The following CSMD3 variants were observed in gnomAD, a reference collection of about 807,000 sequenced individuals.
CSMD3 encodes the protein CUB and Sushi multiple domains 3.
Under a neutral mutation model 435.2 loss-of-function variants are expected in CSMD3, and 177 were observed. The ratio of observed to expected loss-of-function variants is 0.41; its 90% confidence interval spans 0.36 to 0.46. The LOEUF (loss-of-function observed/expected upper bound fraction) is 0.46, where lower values mean the gene tolerates loss of function less well. CSMD3 is among the 20% of genes least tolerant of loss of function. CSMD3 has a pLI of 0.34. For synonymous variants in CSMD3, 1,656 were observed against 1,520.5 expected (o/e 1.09, Z -2.07); for missense variants, 4,265 against 4,504.6 (o/e 0.95, Z 1.52).
intron 6 of CSMD3, among the ~76,000 whole-genome samples, chr8:112,980,013 CAT>C (rs947078136): frequency 6.6e-6 from 1 of 150,832 alleles, no homozygotes; most frequent in Admixed American, 6.6e-5. Flanking sequence ...ACTTGTTACA[CAT>C]ATAAGTTTGA....
chr8:112,763,263 A>C (rs1362048931), intron 13 of CSMD3, among the ~76,000 whole-genome samples: 3 of 151,628 alleles, frequency 2.0e-5, no homozygotes, highest in Non-Finnish European at 3.0e-5. Flanking sequence ...CATGTAACAA[A>C]TTTGACTTGG....
rs531606768 is a variant in CSMD3 at position 112,562,332 on chromosome 8, G to A, written c.4043-5378C>T. Among the ~76,000 whole-genome samples the A allele has an allele frequency of 5.9e-5, 9 of 151,472 alleles. No individual in the cohort carries two copies. In the East Asian group the frequency reaches 1.8e-3, roughly 29 times the overall value. On this transcript the variant is annotated intron_variant, in intron 24 of 70. Transcript: ENST00000297405. ...GACATGTGAAAATTCATTTTTAAATGTAATAAAATATATTTTAAGTAACTT... is the reference window on the plus strand; with the variant it reads ...GACATGTGAAAATTCATTTTTAAATATAATAAAATATATTTTAAGTAACTT...
intron 28 of CSMD3, among the ~76,000 whole-genome samples, chr8:112,507,758 G>C (rs990137760): frequency 3.9e-5 from 6 of 152,118 alleles, no homozygotes; most frequent in African/African-American, 1.4e-4. Flanking sequence ...CATGAGTTGA[G>C]ATATGTAATA....
chr8:113,055,297 T>G (rs1388557462), intron 5 of CSMD3, among the ~76,000 whole-genome samples: 2 of 152,248 alleles, frequency 1.3e-5, no homozygotes, highest in East Asian at 3.9e-4. Flanking sequence ...TTACAGACGT[T>G]AAGCCACCGC....
intron 9 of CSMD3, among the ~76,000 whole-genome samples, chr8:112,940,692 A>G (rs1008523550): frequency 3.3e-5 from 5 of 151,812 alleles, no homozygotes; most frequent in African/African-American, 9.7e-5. Context: ...GTAGAGCACA[A>G]ATGGTAACCA....
chr8:112,601,136 TA>T (rs1245663713), intron 22 of CSMD3, among the ~76,000 whole-genome samples: 2 of 152,228 alleles, frequency 1.3e-5, no homozygotes, highest in East Asian at 3.9e-4. Flanking sequence ...TTTTATCTAA[TA>T]GATATTTTAT....
intron 29 of CSMD3, among the ~76,000 whole-genome samples, chr8:112,504,961 A>G (rs1457418049): frequency 6.6e-6 from 1 of 152,174 alleles, no homozygotes; most frequent in African/African-American, 2.4e-5. Flanking sequence ...TATTTTGGCA[A>G]GTTTTATCAT....
At chr8:112,956,795 C>T (rs1043548404) in intron 7 of CSMD3, among the ~76,000 whole-genome samples, 2 of 151,984 alleles carry the variant, frequency 1.3e-5, no homozygotes, top group Non-Finnish European at 2.9e-5. Context: ...GGTTTTCCTG[C>T]TTCTAAAAGC....
At chr8:112,454,872 T>C (rs1376533002) in intron 32 of CSMD3, among the ~76,000 whole-genome samples, 2 of 152,010 alleles carry the variant, frequency 1.3e-5, no homozygotes, top group Admixed American at 1.3e-4. Flanking sequence ...TTGTAGTGAC[T>C]GTGTCTCTAC....
chr8:112,678,935 A>T (rs2075824367), intron 16 of CSMD3, among the ~76,000 whole-genome samples: 1 of 151,978 alleles, frequency 6.6e-6, no homozygotes, highest in African/African-American at 2.4e-5. Flanking sequence ...CCAAAGATGA[A>T]CAATAATAAA....
At chr8:112,290,922 G>T (rs2130670121) in intron 56 of CSMD3, among the ~76,000 whole-genome samples, 1 of 152,080 alleles carries the variant, frequency 6.6e-6, no homozygotes, top group African/African-American at 2.4e-5. Context: ...CACTACGTGT[G>T]TTACTTTAAG....
At chr8:112,833,682 A>ATG (rs1156687222) in intron 11 of CSMD3, among the ~76,000 whole-genome samples, 3 of 148,988 alleles carry the variant, frequency 2.0e-5, no homozygotes, top group Non-Finnish European at 3.0e-5. Context: ...TCCAATATAT[A>ATG]TGTGTGTATG....
chr8:113,144,421 T>C (rs979828454), intron 4 of CSMD3, among the ~76,000 whole-genome samples: 2 of 151,452 alleles, frequency 1.3e-5, no homozygotes, highest in Non-Finnish European at 3.0e-5. Flanking sequence ...TAAACCAAAT[T>C]GTTTTCATTT....
chr8:112,968,710 C>T (rs1305387861), intron 7 of CSMD3, among the ~76,000 whole-genome samples: 2 of 151,906 alleles, frequency 1.3e-5, no homozygotes, highest in Non-Finnish European at 2.9e-5. Flanking sequence ...CTAATCTCTA[C>T]AACTTTTTCT....
intron 58 of CSMD3, among the ~76,000 whole-genome samples, chr8:112,285,476 A>G (rs1237544568): frequency 6.6e-6 from 1 of 152,130 alleles, no homozygotes; most frequent in Non-Finnish European, 1.5e-5. Flanking sequence ...TATAAATATT[A>G]AACATAATCA....
chr8:112,889,460 T>G (rs974704258), intron 10 of CSMD3, among the ~76,000 whole-genome samples: 1 of 151,656 alleles, frequency 6.6e-6, no homozygotes, highest in South Asian at 2.1e-4. Context: ...CTTTATCAAA[T>G]GAGGTGATTC....
At chr8:112,874,078 A>G (rs1428491590) in intron 10 of CSMD3, among the ~76,000 whole-genome samples, 3 of 152,082 alleles carry the variant, frequency 2.0e-5, no homozygotes, top group Non-Finnish European at 4.4e-5. Context: ...ACATTGCTTT[A>G]GCTGTGTCTC....
At chr8:113,082,428 A>G (rs2089602493) in intron 5 of CSMD3, among the ~76,000 whole-genome samples, 2 of 152,180 alleles carry the variant, frequency 1.3e-5, no homozygotes, top group African/African-American at 2.4e-5. Flanking sequence ...ACTGTGCCCA[A>G]TCAGAACCAA....
intron 11 of CSMD3, among the ~76,000 whole-genome samples, chr8:112,830,609 A>T (rs78113537): frequency 0.013 from 1,998 of 152,222 alleles, 46 homozygotes; most frequent in African/African-American, 0.046. Context: ...AAAATAATTT[A>T]TAACAAAATA....
Sources: gnomAD v4.1 joint callset for allele counts (sites outside exome capture counted in the v4.1 genomes callset) on GRCh38, gnomAD v4.1.1 for gene constraint, MANE v1.5 for transcripts, NCBI Gene and HGNC (gene_info 2026-07-23, HGNC 2026-07-21) for gene names.